Variants in VPS50 observed in about 807,000 individuals in gnomAD.
VPS50 encodes VPS50 subunit of EARP/GARPII complex.
A neutral mutation model predicts 139.7 loss-of-function variants in VPS50; 70 were observed. That is an observed-to-expected ratio of 0.50 (90% CI 0.41 to 0.61). The LOEUF is 0.61. Among genes scored for constraint, VPS50 ranks in the 20% least tolerant of loss-of-function variants. The pLI, the probability that VPS50 is intolerant of heterozygous loss-of-function variation, is 0.00. For synonymous variants in VPS50, 365 were observed against 376.7 expected (o/e 0.97, Z 0.36); for missense variants, 921 against 1,133.7 (o/e 0.81, Z 2.69).
intron 23 of VPS50, among the ~76,000 whole-genome samples, chr7:93,345,552 G>C (rs1345593364): frequency 6.6e-6 from 1 of 152,156 alleles, no homozygotes; most frequent in East Asian, 1.9e-4. Context: ...CAATATCCTT[G>C]ATGAACATTG....
rs189459808 is a variant in VPS50 at position 93,359,807 on chromosome 7, C to A, written c.*1371C>A. Reference sequence around the variant, plus strand: ...GCTACTCTGTGTCCATCAGTCCCTGCGATGTCTGTAAATGCACAGTGTAAT... The same window carrying A: ...GCTACTCTGTGTCCATCAGTCCCTGAGATGTCTGTAAATGCACAGTGTAAT... On this transcript the variant is annotated 3_prime_UTR_variant, in exon 28 of 28. Coordinates refer to ENST00000305866, the MANE Select transcript of VPS50 (RefSeq NM_017667.4). 1.3e-5 allele frequency: 2 copies of A among 152,112 alleles called. No individual in the cohort carries two copies. The highest frequency in any genetic ancestry group is 4.8e-5 in the African/African-American group (2 of 41,422). The allele number at this position is 152,112 out of a possible 1,614,324, so 9.4% of individuals were successfully genotyped here. A position where few individuals can be genotyped will look rare whatever the true frequency, so the allele number is the denominator to read the frequency against.
intron 1 of VPS50, among the ~76,000 whole-genome samples, chr7:93,236,377 G>A (rs765214582): frequency 6.6e-6 from 1 of 152,198 alleles, no homozygotes; most frequent in East Asian, 1.9e-4. Context: ...GCCGAAAGGA[G>A]AAGGAAACAC....
chr7:93,284,405 C>G (rs999710750), intron 12 of VPS50, among the ~76,000 whole-genome samples: 1 of 152,050 alleles, frequency 6.6e-6, no homozygotes, highest in African/African-American at 2.4e-5. Flanking sequence ...ATTGAGCTGT[C>G]TATTTGATTA....
intron 9 of VPS50, among the ~76,000 whole-genome samples, chr7:93,262,187 G>A (rs922760309): frequency 1.6e-4 from 24 of 152,192 alleles, no homozygotes; most frequent in Non-Finnish European, 2.2e-4. Context: ...AAGAATGAGC[G>A]TGGAATTTGG....
intron 23 of VPS50, among the ~76,000 whole-genome samples, chr7:93,344,433 G>T (rs1318638960): frequency 6.6e-6 from 1 of 152,112 alleles, no homozygotes; most frequent in Admixed American, 6.5e-5. Context: ...GAGACAGAAA[G>T]TTAACAAGGA....
intron 9 of VPS50, among the ~76,000 whole-genome samples, chr7:93,261,959 G>A (rs139841526): frequency 6.6e-6 from 1 of 152,286 alleles, no homozygotes; most frequent in African/African-American, 2.4e-5. Context: ...GACCTTTTGG[G>A]GACAGATTTG....
intron 19 of VPS50, among the ~76,000 whole-genome samples, chr7:93,309,822 C>T (rs1797214904): frequency 6.6e-6 from 1 of 151,840 alleles, no homozygotes; most frequent in Admixed American, 6.6e-5. Context: ...CATTTAGTGA[C>T]TATAGATATA....
At chr7:93,309,006 C>T in intron 19 of VPS50, 64 bp downstream of exon 19, 1 of 803,366 alleles carries the variant, frequency 1.2e-6, no homozygotes, top group Non-Finnish European at 2.0e-6. Flanking sequence ...TATAGGATTT[C>T]CTTTAAGGTT....
chr7:93,261,937 G>A (rs1795698312), intron 9 of VPS50, among the ~76,000 whole-genome samples: 1 of 152,172 alleles, frequency 6.6e-6, no homozygotes, highest in South Asian at 2.1e-4. Flanking sequence ...TAGCAACAAA[G>A]AAGTCATAGT....
chr7:93,301,807 GCT>G (rs1183698587), intron 16 of VPS50, among the ~76,000 whole-genome samples: 1 of 152,122 alleles, frequency 6.6e-6, no homozygotes, highest in African/African-American at 2.4e-5. Flanking sequence ...CTATGGTAAC[GCT>G]CTCTGTTTAA....
At chr7:93,284,580 T>C (rs367676881) in intron 12 of VPS50, among the ~76,000 whole-genome samples, 6 of 152,376 alleles carry the variant, frequency 3.9e-5, no homozygotes, top group African/African-American at 1.4e-4. Flanking sequence ...TAAAATGCCG[T>C]AGATGAGAAT....
chr7:93,267,290 G>T (rs1220356974), intron 9 of VPS50, among the ~76,000 whole-genome samples: 1 of 152,118 alleles, frequency 6.6e-6, no homozygotes, highest in Non-Finnish European at 1.5e-5. Flanking sequence ...AACTCCATAT[G>T]ATAGAGGAAC....
chr7:93,353,867 C>A, intron 26 of VPS50, 106 bp downstream of exon 26: 1 of 887,046 alleles, frequency 1.1e-6, no homozygotes, highest in South Asian at 1.9e-5. Flanking sequence ...ATAATAACAA[C>A]TAGCAGACAA....
At chr7:93,301,249 A>T (rs1796965978) in intron 16 of VPS50, among the ~76,000 whole-genome samples, 1 of 151,558 alleles carries the variant, frequency 6.6e-6, no homozygotes, top group Non-Finnish European at 1.5e-5. Flanking sequence ...GTGAGCCAAG[A>T]TCGCGCCACT....
At chr7:93,248,164 T>A (rs1795212107) in intron 2 of VPS50, among the ~76,000 whole-genome samples, 1 of 151,958 alleles carries the variant, frequency 6.6e-6, no homozygotes, top group Admixed American at 6.6e-5. Context: ...AAATATTTTA[T>A]CCTAGACTTA....
intron 23 of VPS50, among the ~76,000 whole-genome samples, chr7:93,343,778 C>A (rs1220963386): frequency 6.6e-6 from 1 of 151,934 alleles, no homozygotes; most frequent in African/African-American, 2.4e-5. Flanking sequence ...CAAGCAAATG[C>A]TGAGAGATTT....
At chr7:93,288,854 C>T (rs953855702) in intron 12 of VPS50, among the ~76,000 whole-genome samples, 1 of 152,066 alleles carries the variant, frequency 6.6e-6, no homozygotes, top group African/African-American at 2.4e-5. Flanking sequence ...AGAAGGGAGT[C>T]GGTCCACGTG....
At chr7:93,249,812 ATTTCATTTCTGAC>A (rs985740577) in intron 2 of VPS50, among the ~76,000 whole-genome samples, 16 of 151,928 alleles carry the variant, frequency 1.1e-4, no homozygotes, top group African/African-American at 3.9e-4. Flanking sequence ...CTCCTCTTCC[ATTTCATTTCTGAC>A]TTTCATTTCA....
rs577427920 is a variant in VPS50, at chr7:93,269,515, G to A, written c.660-1705G>A. On this transcript the variant is annotated intron_variant, in intron 9 of 27. Coordinates refer to ENST00000305866, the MANE Select transcript of VPS50 (RefSeq NM_017667.4). ...ATGATAAATACTATTTGCAGAAAAT[G>A]ATCTAATTCCTCTAGATGTTTGGAC... Among the ~76,000 whole-genome samples the A allele has an allele frequency of 1.0e-3, 156 of 152,206 alleles. No individual in the cohort carries two copies. In the Middle Eastern group the frequency reaches 0.017, roughly 17 times the overall value.
Sources: allele counts gnomAD v4.1 joint callset (sites outside exome capture counted in the v4.1 genomes callset), GRCh38; gene constraint gnomAD v4.1.1; transcripts MANE v1.5; gene names NCBI Gene and HGNC (gene_info 2026-07-23, HGNC 2026-07-21).